The following BORCS5 variants were observed in gnomAD, a reference collection of about 807,000 sequenced individuals.
BORCS5 encodes the protein BLOC-1 related complex subunit 5.
A neutral mutation model predicts 22.1 loss-of-function variants in BORCS5; 17 were observed. The observed-to-expected ratio is 0.77, with a 90% CI of 0.53 to 1.15. The LOEUF (loss-of-function observed/expected upper bound fraction) is 1.15. Among genes scored for constraint, BORCS5 ranks in the 50% most tolerant of loss-of-function variants. BORCS5 has a pLI of 0.00. For synonymous variants in BORCS5, 117 were observed against 99.8 expected, an observed-to-expected ratio of 1.17 and a Z score of -1.03; for missense variants, 247 against 253.2, an observed-to-expected ratio of 0.98 and a Z score of 0.17.
At chr12:12,439,756 C>T (rs117751982) in intron 3 of BORCS5, among the ~76,000 whole-genome samples, 67 of 152,302 alleles carry the variant, frequency 4.4e-4, no homozygotes, top group Non-Finnish European at 7.6e-4. Flanking sequence ...GCAGCGTGCT[C>T]GGGCAGAGGA....
rs563155662 is a variant in BORCS5 at position 12,450,651 on chromosome 12, A to G, written c.360+14866A>G. On this transcript the variant is annotated intron_variant, in intron 3 of 3. Transcript: ENST00000314565. Reference sequence around the variant, plus strand: ...TCAACATGGTATGTATTTAATTGAAATGAGCTGACTTTTGAATTAATTAGC... The same window carrying G: ...TCAACATGGTATGTATTTAATTGAAGTGAGCTGACTTTTGAATTAATTAGC... Among the ~76,000 whole-genome samples the G allele has an allele frequency of 1.5e-3, 227 of 152,354 alleles. 1 individual carries two copies. The highest frequency in any genetic ancestry group is 2.9e-3 in the Non-Finnish European group (199 of 68,030).
intron 2 of BORCS5, among the ~76,000 whole-genome samples, chr12:12,399,882 T>C (rs1565869111): frequency 6.6e-6 from 1 of 152,190 alleles, no homozygotes; most frequent in Non-Finnish European, 1.5e-5. Context: ...TAACTCAAAG[T>C]GTCATTGTTT....
intron 2 of BORCS5, among the ~76,000 whole-genome samples, chr12:12,370,805 G>A (rs1863509526): frequency 6.6e-6 from 1 of 151,908 alleles, no homozygotes. Context: ...CTGGAGTGCA[G>A]TGGTGCGATC....
chr12:12,465,636 G>C lies in BORCS5; in HGVS notation c.451G>C (p.Glu151Gln), dbSNP rs776502350. The part of the protein sequence containing the change: ...KYAEQIQKVN[E>Q]MSAILRRIQM... ...TGCCGAGCAGATCCAGAAAGTGAAC[G>C]AGATGTCCGCCATCCTCCGCCGCAT... The change falls in exon 4 of 4, where the codon GAG becomes CAG. Residue 151 changes from glutamate (E) to glutamine (Q), a missense_variant. Transcript: ENST00000314565. 1.2e-6 allele frequency: 2 copies of C among 1,614,248 alleles called. No individual in the cohort carries two copies. Among genetic ancestry groups the C allele is most frequent in the Non-Finnish European group, 1.7e-6 (2 of 1,180,044 alleles).
chr12:12,433,055 T>C (rs6488525), intron 2 of BORCS5, among the ~76,000 whole-genome samples: 83,091 of 151,366 alleles, frequency 0.55, 24,644 homozygotes, highest in African/African-American at 0.76. Flanking sequence ...AAATCTGGGC[T>C]GGGCACAGTG....
chr12:12,429,960 C>T (rs1041777459), intron 2 of BORCS5, among the ~76,000 whole-genome samples: 3 of 152,202 alleles, frequency 2.0e-5, no homozygotes, highest in African/African-American at 7.2e-5. Context: ...AAGCCTTTTT[C>T]CTCCTAATAT....
At chr12:12,425,524 G>A (rs1462152702) in intron 2 of BORCS5, among the ~76,000 whole-genome samples, 1 of 152,170 alleles carries the variant, frequency 6.6e-6, no homozygotes, top group African/African-American at 2.4e-5. Context: ...ATTTTCCATT[G>A]TTTGGATAAT....
intron 2 of BORCS5, among the ~76,000 whole-genome samples, chr12:12,413,938 C>T (rs1941823072): frequency 7.6e-5 from 4 of 52,914 alleles, no homozygotes; most frequent in African/African-American, 1.2e-4. Flanking sequence ...GGGGGGCTGA[C>T]CCCCCCACCT....
chr12:12,397,227 C>G (rs1941370538), intron 2 of BORCS5, among the ~76,000 whole-genome samples: 1 of 152,180 alleles, frequency 6.6e-6, no homozygotes, highest in African/African-American at 2.4e-5. Flanking sequence ...TTTGAATGCC[C>G]TGTCCTAAAG....
At chr12:12,421,630 C>G (rs952134548) in intron 2 of BORCS5, among the ~76,000 whole-genome samples, 84 of 152,294 alleles carry the variant, frequency 5.5e-4, no homozygotes, top group African/African-American at 1.8e-3. Context: ...GGAATGGTAC[C>G]AGCTCCTCTT....
At chr12:12,425,066 C>T (rs943425469) in intron 2 of BORCS5, among the ~76,000 whole-genome samples, 2 of 152,142 alleles carry the variant, frequency 1.3e-5, no homozygotes, top group Non-Finnish European at 2.9e-5. Flanking sequence ...CAACATTGAT[C>T]AGAGCATAGA....
chr12:12,427,172 C>CTT (rs869191667), intron 2 of BORCS5, among the ~76,000 whole-genome samples: 278 of 84,420 alleles, frequency 3.3e-3, no homozygotes, highest in East Asian at 8.2e-3. Context: ...TCTTTCTTTT[C>CTT]TTTTTTTTTT....
At chr12:12,411,213 G>T (rs1941723675) in intron 2 of BORCS5, among the ~76,000 whole-genome samples, 1 of 152,102 alleles carries the variant, frequency 6.6e-6, no homozygotes, top group African/African-American at 2.4e-5. Flanking sequence ...GAATGCCCTT[G>T]ATTTCCTTCT....
intron 2 of BORCS5, among the ~76,000 whole-genome samples, chr12:12,392,897 T>C (rs888103153): frequency 6.6e-6 from 1 of 152,076 alleles, no homozygotes; most frequent in African/African-American, 2.4e-5. Context: ...TCGTCTCTTC[T>C]GCAAACCAAA....
chr12:12,436,307 T>C (rs1261417740), intron 3 of BORCS5, among the ~76,000 whole-genome samples: 1 of 152,254 alleles, frequency 6.6e-6, no homozygotes, highest in African/African-American at 2.4e-5. Flanking sequence ...GCAAAGTTTT[T>C]AAAGGAAAGA....
intron 3 of BORCS5, among the ~76,000 whole-genome samples, chr12:12,441,850 C>T (rs1263622350): frequency 6.6e-6 from 1 of 152,048 alleles, no homozygotes; most frequent in Non-Finnish European, 1.5e-5. Context: ...ATAGCATACT[C>T]GTGCCTGGGG....
intron 3 of BORCS5, among the ~76,000 whole-genome samples, chr12:12,455,475 G>GT (rs371712549): frequency 3.3e-5 from 5 of 152,290 alleles, no homozygotes; most frequent in African/African-American, 1.2e-4. Context: ...GGAAAGATGA[G>GT]TGACTTTTTA....
intron 3 of BORCS5, among the ~76,000 whole-genome samples, chr12:12,453,811 C>G (rs1942954981): frequency 6.6e-6 from 1 of 152,186 alleles, no homozygotes; most frequent in Admixed American, 6.5e-5. Context: ...GAATGAAACT[C>G]TATGTACATC....
chr12:12,455,271 C>T (rs1252456808), intron 3 of BORCS5, among the ~76,000 whole-genome samples: 1 of 152,192 alleles, frequency 6.6e-6, no homozygotes, highest in African/African-American at 2.4e-5. Flanking sequence ...GTTAGCTGAC[C>T]TTGAACCATC....
Sources: allele counts gnomAD v4.1 joint callset (sites outside exome capture counted in the v4.1 genomes callset), GRCh38; gene constraint gnomAD v4.1.1; transcripts MANE v1.5; gene names NCBI Gene and HGNC (gene_info 2026-07-23, HGNC 2026-07-21).